ABLIM1: variants seen among roughly 807,000 people sequenced by gnomAD.
ABLIM1 encodes the protein actin-binding LIM protein 1.
Under a neutral mutation model 107.0 loss-of-function variants are expected in ABLIM1, and 40 were observed. The ratio of observed to expected loss-of-function variants is 0.37; its 90% CI spans 0.29 to 0.49. The LOEUF (loss-of-function observed/expected upper bound fraction) is 0.49. Ranked by LOEUF, ABLIM1 falls within the 20% of genes least tolerant of loss-of-function variation. The probability of loss-of-function intolerance (pLI) is 0.97; values close to 1 mark genes in which losing one functional copy is unlikely to be tolerated. For synonymous variants in ABLIM1, 357 were observed against 357.3 expected (o/e 1.00, Z 0.01); for missense variants, 857 against 1,008.5 (o/e 0.85, Z 2.04).
intron 4 of ABLIM1, among the ~76,000 whole-genome samples, chr10:114,562,263 C>T (rs2069836099): frequency 1.3e-5 from 2 of 152,318 alleles, no homozygotes; most frequent in Non-Finnish European, 2.9e-5. Context: ...GGCGCGGTGG[C>T]TCACGCCTGT....
chr10:114,780,493 T>C, the ABLIM1 span, among the ~76,000 whole-genome samples: 2 of 152,114 alleles, frequency 1.3e-5, no homozygotes, highest in East Asian at 1.9e-4. Context: ...TTCCTAAAGG[T>C]TAAAGCAGAG....
At position 114,697,403 on chromosome 10, in the gene ABLIM1, G is replaced by T. The variant is rs916846935; in HGVS notation, c.-213+70658C>A. The stretch of plus-strand genomic sequence containing the variant: ...AAGTGGTGATCAGCCCTCAGGAGCT[G>T]GCACGCGGTTTTCGAAGCAGCTGAT... On this transcript the variant is annotated intron_variant, in intron 1 of 15. Transcript: ENST00000651092. 3.9e-5 allele frequency among the ~76,000 whole-genome samples: 6 copies of T among 152,366 alleles called. No homozygotes were observed. In the East Asian group the frequency reaches 1.2e-3, roughly 29 times the overall value.
intron 1 of ABLIM1, among the ~76,000 whole-genome samples, chr10:114,622,609 TAAAC>T (rs1345554324): frequency 6.6e-6 from 1 of 152,094 alleles, no homozygotes; most frequent in Non-Finnish European, 1.5e-5. Context: ...ACAACAGAAA[TAAAC>T]AGAAGAAAAA....
chr10:114,450,594 C>G (rs1021377295), intron 14 of ABLIM1, among the ~76,000 whole-genome samples: 1 of 150,950 alleles, frequency 6.6e-6, no homozygotes, highest in African/African-American at 2.5e-5. Context: ...CGCCACCACG[C>G]CCAGCTAACT....
intron 1 of ABLIM1, among the ~76,000 whole-genome samples, chr10:114,733,749 C>T (rs1329253163): frequency 6.6e-6 from 1 of 152,194 alleles, no homozygotes; most frequent in Non-Finnish European, 1.5e-5. Context: ...CAGAAACATA[C>T]GCCTCCATTG....
the ABLIM1 span, among the ~76,000 whole-genome samples, chr10:114,789,061 C>A: frequency 6.6e-6 from 1 of 152,016 alleles, no homozygotes; most frequent in African/African-American, 2.4e-5. Flanking sequence ...TCAAAACCAG[C>A]CTGGTCAATA....
intron 1 of ABLIM1, chr10:114,632,009 C>A (rs1591670222): frequency 7.7e-7 from 1 of 1,293,714 alleles, no homozygotes; most frequent in East Asian, 5.7e-5. Flanking sequence ...GATCCGCGGG[C>A]GCTGGGGCAG....
chr10:114,483,552 C>T (rs1408212030), intron 8 of ABLIM1, among the ~76,000 whole-genome samples: 4 of 152,210 alleles, frequency 2.6e-5, no homozygotes, highest in African/African-American at 9.6e-5. Context: ...GCTGGGATTA[C>T]AGGCATGAGC....
Position 114,448,519 on chromosome 10 carries a change from T to C in ABLIM1, c.1595-499A>G, listed in dbSNP as rs114813440. The stretch of plus-strand genomic sequence containing the variant: ...AAGTTGAAAGCATGACGCTATCACT[T>C]GACTGTAGTTGTTAATCATTAGAGG... On this transcript the variant is annotated intron_variant, in intron 14 of 22. Coordinates refer to ENST00000533213, the MANE Select transcript of ABLIM1 (RefSeq NM_002313.7). Among the ~76,000 whole-genome samples the C allele has an allele frequency of 1.5e-3, 230 of 152,296 alleles. 1 individual carries two copies. Among genetic ancestry groups the C allele is most frequent in the African/African-American group, 5.2e-3 (217 of 41,560 alleles).
chr10:114,772,671 C>T (rs528778973), upstream of ABLIM1, among the ~76,000 whole-genome samples: 34 of 152,198 alleles, frequency 2.2e-4, 1 homozygote, highest in South Asian at 6.2e-3. Flanking sequence ...ATCAAGCAAA[C>T]ATGAGGTCAT....
At chr10:114,771,304 T>C (rs188256791), upstream of ABLIM1, among the ~76,000 whole-genome samples, 5 of 152,292 alleles carry the variant, frequency 3.3e-5, no homozygotes, top group African/African-American at 9.6e-5. Context: ...AATTCACTCC[T>C]AGATGTAAGT....
At chr10:114,487,522 T>G (rs1024792631) in intron 8 of ABLIM1, among the ~76,000 whole-genome samples, 1 of 152,222 alleles carries the variant, frequency 6.6e-6, no homozygotes, top group Admixed American at 6.5e-5. Context: ...GCTTTTAGAG[T>G]CTATTCTGGT....
chr10:114,620,604 G>A (rs1234194796), intron 1 of ABLIM1, among the ~76,000 whole-genome samples: 1 of 151,976 alleles, frequency 6.6e-6, no homozygotes, highest in East Asian at 1.9e-4. Context: ...TAGAGACGGG[G>A]TTTCACCATG....
At chr10:114,735,533 G>C (rs559385350) in intron 1 of ABLIM1, among the ~76,000 whole-genome samples, 1 of 152,130 alleles carries the variant, frequency 6.6e-6, no homozygotes, top group Admixed American at 6.5e-5. Context: ...GCAGTGGCGC[G>C]ATCTCGGCTC....
intron 2 of ABLIM1, among the ~76,000 whole-genome samples, chr10:114,581,648 T>C (rs188728150): frequency 5.9e-4 from 90 of 152,154 alleles, no homozygotes; most frequent in African/African-American, 2.0e-3. Context: ...AGCATTTTAA[T>C]TGGGGTGCCA....
chr10:114,605,278 G>T (rs749905436), intron 1 of ABLIM1, among the ~76,000 whole-genome samples: 16 of 152,134 alleles, frequency 1.1e-4, no homozygotes, highest in Admixed American at 3.9e-4. Flanking sequence ...TTGACAGTCT[G>T]GTTGTTACCA....
intron 6 of ABLIM1, among the ~76,000 whole-genome samples, chr10:114,505,450 A>G (rs940678007): frequency 3.3e-5 from 5 of 152,206 alleles, no homozygotes; most frequent in Admixed American, 2.6e-4. Context: ...AATCCAAAGA[A>G]TCGCTCCCAT....
In ABLIM1 at chr10:114,707,627, C is replaced by T. The variant is rs1018263035; in HGVS notation, c.-213+60434G>A. On this transcript the variant is annotated intron_variant, in intron 1 of 15. Coordinates refer to the ABLIM1 transcript ENST00000651092. This position sits in a 1 kb window ranked among gnomAD's most constrained non-coding sequence, Gnocchi z 4.1. ...TAAAAAACTAATTACCGGCCGGGCA[C>T]GGTGGCTCACACTTATAATCCCAAC... is the stretch of plus-strand genomic sequence containing the variant. 6.6e-6 allele frequency among the ~76,000 whole-genome samples: 1 copy of T among 152,114 alleles called. No individual in the cohort carries two copies. Among genetic ancestry groups the T allele is most frequent in the East Asian group, 1.9e-4 (1 of 5,168 alleles).
intron 1 of ABLIM1, among the ~76,000 whole-genome samples, chr10:114,675,385 A>G (rs1161499548): frequency 6.6e-6 from 1 of 152,168 alleles, no homozygotes; most frequent in Non-Finnish European, 1.5e-5. Flanking sequence ...GTGATAGTGA[A>G]TAAGTCTCAC....
Sources: allele counts gnomAD v4.1 joint callset (sites outside exome capture counted in the v4.1 genomes callset), GRCh38; gene constraint gnomAD v4.1.1; non-coding constraint Gnocchi (gnomAD v3.1); transcripts MANE v1.5; gene names NCBI Gene and HGNC (gene_info 2026-07-23, HGNC 2026-07-21).